Variants in CACNA2D1 observed in about 807,000 individuals in gnomAD.
CACNA2D1 encodes the protein calcium voltage-gated channel auxiliary subunit alpha2delta 1.
Under a neutral mutation model 171.5 loss-of-function variants are expected in CACNA2D1, and 53 were observed. The observed-to-expected ratio is 0.31, with a 90% CI of 0.25 to 0.39. The LOEUF is 0.39. CACNA2D1 is among the 10% of genes least tolerant of loss of function. The probability of loss-of-function intolerance (pLI) is 1.00; values close to 1 mark genes in which losing one functional copy is unlikely to be tolerated. For synonymous variants in CACNA2D1, 442 were observed against 443.1 expected (o/e 1.00, Z 0.03); for missense variants, 903 against 1,299.8 (o/e 0.69, Z 4.69).
intron 7 of CACNA2D1, among the ~76,000 whole-genome samples, chr7:82,079,605 T>C (rs1037338935): frequency 1.3e-5 from 2 of 150,722 alleles, no homozygotes; most frequent in Non-Finnish European, 2.9e-5. Context: ...GGCAGGAGAA[T>C]CGCTCGAACC....
chr7:82,172,053 T>A (rs10486949), intron 3 of CACNA2D1, among the ~76,000 whole-genome samples: 1 of 152,116 alleles, frequency 6.6e-6, no homozygotes, highest in Admixed American at 6.6e-5. Context: ...TATTGCCTAG[T>A]GGGAGATCTC....
rs540694300 is a variant in CACNA2D1 at position 82,181,799 on chromosome 7, T to C, written c.295-11190A>G. 4.3e-3 allele frequency among the ~76,000 whole-genome samples: 660 copies of C among 152,362 alleles called. 1 individual carries two copies. The highest frequency in any genetic ancestry group is 0.019 in the South Asian group (90 of 4,834). On this transcript the variant is annotated intron_variant, in intron 3 of 38. Transcript: ENST00000356860. Reference sequence around the variant, plus strand: ...TAACTTATTCTTTTAGTGATTATTGTAATTTGATGAACTTTGTCTCTGAGC... The same window carrying C: ...TAACTTATTCTTTTAGTGATTATTGCAATTTGATGAACTTTGTCTCTGAGC...
In CACNA2D1 at chr7:82,128,122, G is replaced by T. The variant is rs1330459975; in HGVS notation, c.396+8513C>A. ...TTTTTTTTTTTTTTGTAGAGACAGG[G>T]TGTCACCATATTGCCCAGGCTGGTC... On this transcript the variant is annotated intron_variant, in intron 5 of 38. Transcript: ENST00000356860. Among the ~76,000 whole-genome samples the T allele has an allele frequency of 4.6e-5, 7 of 151,378 alleles. No individual in the cohort carries two copies. The East Asian group carries it at 1.4e-3, about 29-fold the overall frequency.
intron 3 of CACNA2D1, among the ~76,000 whole-genome samples, chr7:82,237,134 C>T (rs1406753536): frequency 1.3e-5 from 2 of 151,662 alleles, no homozygotes; most frequent in African/African-American, 4.8e-5. Flanking sequence ...GGTATTTACC[C>T]AACCCTTATA....
chr7:82,213,362 A>G (rs2129229680), intron 3 of CACNA2D1, among the ~76,000 whole-genome samples: 1 of 152,340 alleles, frequency 6.6e-6, no homozygotes, highest in East Asian at 1.9e-4. Flanking sequence ...GGCAGAGTAC[A>G]GGATCCCTTG....
At chr7:82,260,733 C>T (rs918017210) in intron 3 of CACNA2D1, among the ~76,000 whole-genome samples, 2 of 152,118 alleles carry the variant, frequency 1.3e-5, no homozygotes, top group African/African-American at 4.8e-5. Context: ...CAGATTTTGT[C>T]TTAAGGGCTT....
chr7:82,279,944 G>A (rs973142872), intron 3 of CACNA2D1, among the ~76,000 whole-genome samples: 7 of 151,896 alleles, frequency 4.6e-5, no homozygotes, highest in African/African-American at 1.2e-4. Context: ...AAAACTAATT[G>A]GACCTAAATA....
intron 31 of CACNA2D1, 96 bp from the exon 32 acceptor site, chr7:81,965,761 TAGAAA>T: frequency 1.3e-6 from 1 of 772,580 alleles, no homozygotes; most frequent in Non-Finnish European, 2.3e-6. Context: ...GCAATAAAAA[TAGAAA>T]ATTTTAAATG....
At chr7:82,072,788 T>G (rs1584638105) in intron 7 of CACNA2D1, among the ~76,000 whole-genome samples, 1 of 151,792 alleles carries the variant, frequency 6.6e-6, no homozygotes, top group South Asian at 2.1e-4. Context: ...ATAAATTAAC[T>G]TTTTTTTCAG....
intron 22 of CACNA2D1, 63 bp from the exon 23 acceptor site, chr7:81,983,397 G>A (rs1179898831): frequency 5.7e-6 from 7 of 1,217,912 alleles, no homozygotes; most frequent in Non-Finnish European, 8.4e-6. Flanking sequence ...AAAGCAAAGG[G>A]GGTCATAAAC....
chr7:82,434,969 A>G (rs1322444169), intron 1 of CACNA2D1, among the ~76,000 whole-genome samples: 1 of 151,496 alleles, frequency 6.6e-6, no homozygotes. Flanking sequence ...AATGAAAAAA[A>G]TCCTTCTTCT....
intron 21 of CACNA2D1, among the ~76,000 whole-genome samples, chr7:81,987,974 G>A (rs969172173): frequency 6.6e-6 from 1 of 152,084 alleles, no homozygotes; most frequent in African/African-American, 2.4e-5. Flanking sequence ...AAGAACATTC[G>A]CCTGCTCACA....
intron 18 of CACNA2D1, among the ~76,000 whole-genome samples, chr7:82,003,596 TATATATAG>T (rs1349319216): frequency 2.3e-4 from 34 of 150,026 alleles, no homozygotes; most frequent in Non-Finnish European, 3.3e-4. Flanking sequence ...GGTAGATTTA[TATATATAG>T]ATATATAGAT....
intron 10 of CACNA2D1, among the ~76,000 whole-genome samples, chr7:82,058,655 A>G (rs1237115186): frequency 6.6e-6 from 1 of 152,118 alleles, no homozygotes; most frequent in Non-Finnish European, 1.5e-5. Context: ...TTAATAAATA[A>G]TGTTGAGAAT....
intron 3 of CACNA2D1, among the ~76,000 whole-genome samples, chr7:82,171,406 G>A (rs1415978219): frequency 6.6e-6 from 1 of 151,850 alleles, no homozygotes; most frequent in African/African-American, 2.4e-5. Flanking sequence ...GCTTTCATAA[G>A]ACAGTGACAT....
chr7:82,174,042 C>CAAAAAAAAA (rs71093365), intron 3 of CACNA2D1, among the ~76,000 whole-genome samples: 10 of 45,640 alleles, frequency 2.2e-4, no homozygotes, highest in Admixed American at 3.2e-4. Flanking sequence ...GACCCTGTCT[C>CAAAAAAAAA]AAAAAAAAAA....
chr7:82,331,034 G>A lies in CACNA2D1; in HGVS notation c.294+4101C>T, dbSNP rs570126786. ...TGAATAAAAATCTGCATTTTAACAA[G>A]AGCCACGGGTGATCTGCATGCATAT... On this transcript the variant is annotated intron_variant, in intron 3 of 38. Transcript: ENST00000356860. Among the ~76,000 whole-genome samples, 7 of 152,162 alleles carry A rather than the reference G, an allele frequency of 4.6e-5. No individual in the cohort carries two copies. The South Asian group carries it at 1.5e-3, about 32-fold the overall frequency.
intron 4 of CACNA2D1, among the ~76,000 whole-genome samples, chr7:82,163,167 T>C (rs960747141): frequency 6.6e-6 from 1 of 152,092 alleles, no homozygotes; most frequent in African/African-American, 2.4e-5. Flanking sequence ...TGGAAATATA[T>C]ATTAGTCTCC....
At chr7:82,443,181 G>A (rs1830639692) in intron 1 of CACNA2D1, among the ~76,000 whole-genome samples, 184 bp downstream of exon 1, 1 of 152,004 alleles carries the variant, frequency 6.6e-6, no homozygotes, top group East Asian at 2.0e-4. Context: ...GCCGGTTCGG[G>A]ACGCATTCCA....
Sources: gnomAD v4.1 joint callset for allele counts (sites outside exome capture counted in the v4.1 genomes callset) on GRCh38, gnomAD v4.1.1 for gene constraint, MANE v1.5 for transcripts, NCBI Gene and HGNC (gene_info 2026-07-23, HGNC 2026-07-21) for gene names.